MRTFA: variants seen among roughly 807,000 people sequenced by gnomAD.
The protein encoded by MRTFA is myocardin-related transcription factor A.
Under a neutral mutation model 83.5 loss-of-function variants are expected in MRTFA, and 20 were observed. The observed-to-expected ratio is 0.24, with a 90% confidence interval of 0.17 to 0.35. MRTFA has a LOEUF of 0.35. MRTFA is among the 10% of genes least tolerant of loss of function. MRTFA has a pLI of 1.00. For synonymous variants in MRTFA, 659 were observed against 541.2 expected (o/e 1.22, Z -3.02); for missense variants, 1,200 against 1,224.7 (o/e 0.98, Z 0.30).
chr22:40,584,393 T>C (rs2055994041), intron 2 of MRTFA, among the ~76,000 whole-genome samples: 3 of 152,158 alleles, frequency 2.0e-5, no homozygotes, highest in Admixed American at 6.5e-5. Context: ...ATAAAATAGA[T>C]GCGGAGGATT....
At chr22:40,571,753 C>G (rs1011746514) in intron 2 of MRTFA, among the ~76,000 whole-genome samples, 2 of 150,586 alleles carry the variant, frequency 1.3e-5, no homozygotes, top group African/African-American at 2.4e-5. Context: ...CCCGTCTCTA[C>G]TAACAAGACC....
intron 3 of MRTFA, chr22:40,521,767 G>T (rs2054871658): frequency 6.6e-6 from 1 of 152,070 alleles, no homozygotes; most frequent in African/African-American, 2.4e-5. Context: ...CAAAGGGCTG[G>T]GATTACAGGC....
chr22:40,472,527 A>G (rs1039890133), intron 3 of MRTFA, among the ~76,000 whole-genome samples: 1 of 152,212 alleles, frequency 6.6e-6, no homozygotes. Context: ...TTCCATGATC[A>G]TTTTTAATAT....
chr22:40,605,280 C>A (rs1408953679), intron 1 of MRTFA, among the ~76,000 whole-genome samples: 2 of 152,102 alleles, frequency 1.3e-5, no homozygotes, highest in East Asian at 3.9e-4. Context: ...AGTAGGCAAG[C>A]CATCAAGCAG....
At chr22:40,590,935 C>A (rs1334748765) in intron 2 of MRTFA, among the ~76,000 whole-genome samples, 1 of 151,902 alleles carries the variant, frequency 6.6e-6, no homozygotes, top group Admixed American at 6.6e-5. Flanking sequence ...AAATCAAGAC[C>A]ATCCTGGCCA....
intron 3 of MRTFA, among the ~76,000 whole-genome samples, chr22:40,535,527 AT>A (rs1388539291): frequency 1.3e-5 from 2 of 151,492 alleles, no homozygotes; most frequent in East Asian, 3.9e-4. Context: ...TAACTTTTGT[AT>A]TTTTAGTAAA....
chr22:40,436,003 T>G (rs1440019623), intron 4 of MRTFA, among the ~76,000 whole-genome samples: 1 of 151,568 alleles, frequency 6.6e-6, no homozygotes, highest in African/African-American at 2.4e-5. Flanking sequence ...GTGAAGGCAA[T>G]GACACCTGAG....
intron 4 of MRTFA, among the ~76,000 whole-genome samples, chr22:40,455,991 G>T (rs537059482): frequency 2.6e-5 from 4 of 152,078 alleles, no homozygotes; most frequent in African/African-American, 4.8e-5. Context: ...GTTAATTTTT[G>T]TGTGTGTGTA....
chr22:40,607,462 C>A (rs1053701860), intron 1 of MRTFA, among the ~76,000 whole-genome samples: 1 of 151,432 alleles, frequency 6.6e-6, no homozygotes, highest in Non-Finnish European at 1.5e-5. Flanking sequence ...TGAGATCACA[C>A]CACTGCACTC....
intron 3 of MRTFA, among the ~76,000 whole-genome samples, chr22:40,517,279 T>C (rs1569307314): frequency 6.6e-6 from 1 of 152,158 alleles, no homozygotes; most frequent in African/African-American, 2.4e-5. Context: ...GTTTTTTACA[T>C]TTACGTTGTA....
At chr22:40,501,087 G>A (rs1209329728) in intron 3 of MRTFA, among the ~76,000 whole-genome samples, 2 of 98,770 alleles carry the variant, frequency 2.0e-5, no homozygotes, top group Admixed American at 1.9e-4. Context: ...TCACTTCCCA[G>A]TAGGGGCGGC....
intron 11 of MRTFA, among the ~76,000 whole-genome samples, chr22:40,420,107 C>T (rs1427069801): frequency 6.6e-6 from 1 of 152,242 alleles, no homozygotes; most frequent in Admixed American, 6.5e-5. Context: ...CTGCATGCAA[C>T]ACGTAAGTCG....
At chr22:40,455,976 G>A (rs1008307219) in intron 4 of MRTFA, among the ~76,000 whole-genome samples, 3 of 152,016 alleles carry the variant, frequency 2.0e-5, no homozygotes, top group African/African-American at 4.8e-5. Flanking sequence ...GCACCACCAC[G>A]CCTGGTTAAT....
At chr22:40,480,667 G>A (rs2054073326) in intron 3 of MRTFA, among the ~76,000 whole-genome samples, 1 of 151,896 alleles carries the variant, frequency 6.6e-6, no homozygotes, top group African/African-American at 2.4e-5. Context: ...TATTCAGGCT[G>A]GGCATGATGG....
intron 3 of MRTFA, among the ~76,000 whole-genome samples, chr22:40,539,483 C>A (rs1328558755): frequency 1.5e-5 from 2 of 130,724 alleles, no homozygotes; most frequent in African/African-American, 2.5e-5. Context: ...GGACTACGGG[C>A]GCCCACCACC....
intron 4 of MRTFA, among the ~76,000 whole-genome samples, chr22:40,440,686 G>T (rs1292121601): frequency 2.0e-5 from 3 of 152,150 alleles, no homozygotes; most frequent in African/African-American, 7.2e-5. Flanking sequence ...TCCTGTGTGT[G>T]TCCCGCCAGC....
At chr22:40,471,888 T>C (rs2053922375) in intron 3 of MRTFA, among the ~76,000 whole-genome samples, 1 of 151,980 alleles carries the variant, frequency 6.6e-6, no homozygotes, top group Non-Finnish European at 1.5e-5. Context: ...AAATTAAAAA[T>C]TAAAAAGAAT....
At chr22:40,626,227 C>T (rs2056580274) in intron 1 of MRTFA, among the ~76,000 whole-genome samples, 1 of 152,098 alleles carries the variant, frequency 6.6e-6, no homozygotes, top group South Asian at 2.1e-4. Flanking sequence ...TCAGGTGATC[C>T]ACCCACCTTG....
At chr22:40,488,652 T>C (rs1317531879) in intron 3 of MRTFA, among the ~76,000 whole-genome samples, 1 of 152,084 alleles carries the variant, frequency 6.6e-6, no homozygotes, top group African/African-American at 2.4e-5. Context: ...GCTAACGTGG[T>C]GAAACCCTGT....
Sources: gnomAD v4.1 joint callset for allele counts (sites outside exome capture counted in the v4.1 genomes callset) on GRCh38, gnomAD v4.1.1 for gene constraint, MANE v1.5 for transcripts, NCBI Gene and HGNC (gene_info 2026-07-23, HGNC 2026-07-21) for gene names.